Variants in CRIM1 observed in about 807,000 individuals in gnomAD.
CRIM1 encodes cysteine-rich motor neuron 1 protein.
A neutral mutation model predicts 116.4 loss-of-function variants in CRIM1; 32 were observed. That is an observed-to-expected ratio of 0.27 (90% CI 0.21 to 0.37). CRIM1 has a LOEUF of 0.37. Among genes scored for constraint, CRIM1 ranks in the 10% least tolerant of loss-of-function variants. The pLI, the probability that CRIM1 is intolerant of heterozygous loss-of-function variation, is 1.00. For missense variants in CRIM1, 1,331 were observed against 1,354.8 expected (o/e 0.98, Z 0.28); for synonymous variants, 590 against 509.2 (o/e 1.16, Z -2.13).
In CRIM1 at chr2:36,356,506, G is replaced by T. The variant is rs2148258880; in HGVS notation, c.214G>T (p.Glu72Ter). 1 of 1,612,924 alleles carries T rather than the reference G, an allele frequency of 6.2e-7. No individual in the cohort carries two copies. The highest frequency in any genetic ancestry group is 8.5e-7 in the Non-Finnish European group (1 of 1,179,866). Residue 72 changes from glutamate (E) to a stop codon, truncating the protein, a stop_gained, in exon 1 of 17, where the codon GAG becomes TAG. Transcript: ENST00000280527. LOFTEE classifies it high-confidence loss of function. This position sits in a 1 kb window ranked among gnomAD's most constrained non-coding sequence, Gnocchi z 4.3. ...CTACACGTGCGCCAGCCAGAGGAAC[G>T]AGAGCTGCGGCGGCACCTTCGGGAT... ...CCYTCASQRN[E>*]SCGGTFGIYG...
intron 2 of CRIM1, among the ~76,000 whole-genome samples, chr2:36,418,055 A>C (rs1325726149): frequency 2.6e-5 from 4 of 152,186 alleles, no homozygotes; most frequent in Non-Finnish European, 2.9e-5. Context: ...ATTGCACCTA[A>C]ATGAGCACTG....
intron 9 of CRIM1, among the ~76,000 whole-genome samples, chr2:36,511,777 C>T (rs1198963651): frequency 6.9e-6 from 1 of 145,744 alleles, no homozygotes; most frequent in Non-Finnish European, 1.5e-5. Flanking sequence ...ATGAAGGCAG[C>T]AGTTGGTGCC....
intron 2 of CRIM1, among the ~76,000 whole-genome samples, chr2:36,402,460 A>G (rs1444418510): frequency 6.6e-6 from 1 of 151,896 alleles, no homozygotes; most frequent in Non-Finnish European, 1.5e-5. Context: ...AGGGAGGGGT[A>G]AGGGCCAGAC....
intron 7 of CRIM1, among the ~76,000 whole-genome samples, chr2:36,483,201 C>T (rs1010311355): frequency 1.3e-5 from 2 of 151,874 alleles, no homozygotes; most frequent in African/African-American, 4.8e-5. Context: ...ATTTTCTGAC[C>T]CCTGTGAAGA....
chr2:36,426,613 A>G (rs1480913125), intron 2 of CRIM1, among the ~76,000 whole-genome samples: 1 of 152,178 alleles, frequency 6.6e-6, no homozygotes, highest in Non-Finnish European at 1.5e-5. Context: ...GCAGTAAGTC[A>G]GGGACAAAAG....
chr2:36,546,771 T>C (rs1216107444), intron 15 of CRIM1, among the ~76,000 whole-genome samples: 1 of 147,590 alleles, frequency 6.8e-6, no homozygotes, highest in Non-Finnish European at 1.5e-5. Context: ...TGATTTTTTT[T>C]TTTTTTTTTT....
intron 4 of CRIM1, among the ~76,000 whole-genome samples, chr2:36,463,229 A>G (rs1677719032): frequency 1.3e-5 from 2 of 152,150 alleles, no homozygotes; most frequent in Admixed American, 6.5e-5. Context: ...TTCTAGTTCC[A>G]TGGTTAACTA....
intron 2 of CRIM1, among the ~76,000 whole-genome samples, chr2:36,399,910 G>A (rs1462148155): frequency 1.3e-5 from 2 of 152,212 alleles, no homozygotes; most frequent in East Asian, 1.9e-4. Context: ...ATTAACTAGG[G>A]AAATGTAGTA....
intron 4 of CRIM1, among the ~76,000 whole-genome samples, chr2:36,453,821 T>G (rs1313418314): frequency 1.3e-5 from 2 of 152,154 alleles, no homozygotes; most frequent in African/African-American, 4.8e-5. Flanking sequence ...AACGGTCAGA[T>G]TTGACTTTTG....
rs1678426522 is a variant in CRIM1 at position 36,470,652 on chromosome 2, T to C, written c.991+5997T>C. On this transcript the variant is annotated intron_variant, in intron 5 of 16. Coordinates refer to ENST00000280527, the MANE Select transcript of CRIM1 (RefSeq NM_016441.3). ...GAGATTTCTTCCAAAATATTACTGC[T>C]CATTGACAATGCACCTGGTCTCCCA... 2.6e-5 allele frequency among the ~76,000 whole-genome samples: 4 copies of C among 152,330 alleles called. No homozygotes were observed. In the South Asian group the frequency reaches 8.3e-4, roughly 32 times the overall value.
intron 1 of CRIM1, among the ~76,000 whole-genome samples, chr2:36,378,136 C>T (rs997116776): frequency 5.3e-5 from 8 of 152,136 alleles, no homozygotes; most frequent in African/African-American, 1.9e-4. Flanking sequence ...GCTTTTAAGG[C>T]GATAGATGGG....
intron 4 of CRIM1, among the ~76,000 whole-genome samples, chr2:36,449,355 C>T (rs1044733243): frequency 6.6e-6 from 1 of 152,190 alleles, no homozygotes; most frequent in African/African-American, 2.4e-5. Flanking sequence ...GCCCTGGGCT[C>T]ACTCACCACC....
At chr2:36,537,113 T>TA (rs1321531883) in intron 13 of CRIM1, among the ~76,000 whole-genome samples, 1 of 152,190 alleles carries the variant, frequency 6.6e-6, no homozygotes, top group African/African-American at 2.4e-5. Context: ...ATCTAACAGG[T>TA]ACCATTCCCT....
intron 2 of CRIM1, among the ~76,000 whole-genome samples, chr2:36,439,380 T>G (rs1341908119): frequency 6.6e-6 from 1 of 152,210 alleles, no homozygotes; most frequent in Non-Finnish European, 1.5e-5. Flanking sequence ...AGTCCTATCT[T>G]TCTAAGAAGG....
At chr2:36,441,911 AT>A (rs918116083) in intron 3 of CRIM1, among the ~76,000 whole-genome samples, 7 of 152,188 alleles carry the variant, frequency 4.6e-5, no homozygotes, top group Non-Finnish European at 1.0e-4. Flanking sequence ...ACAGAAAGTT[AT>A]TTTTAGATGA....
At chr2:36,411,506 A>T (rs1182269809) in intron 2 of CRIM1, among the ~76,000 whole-genome samples, 1 of 152,174 alleles carries the variant, frequency 6.6e-6, no homozygotes, top group Non-Finnish European at 1.5e-5. Context: ...TATTTTTTGT[A>T]CTTTATGTGC....
At chr2:36,518,307 T>C (rs1161653841) in intron 12 of CRIM1, among the ~76,000 whole-genome samples, 1 of 152,262 alleles carries the variant, frequency 6.6e-6, no homozygotes, top group Non-Finnish European at 1.5e-5. Flanking sequence ...TGTTTTGTTG[T>C]TGTTGCTTCT....
chr2:36,357,466 C>T (rs939669973), intron 1 of CRIM1, among the ~76,000 whole-genome samples: 2 of 151,872 alleles, frequency 1.3e-5, no homozygotes, highest in South Asian at 2.1e-4. Context: ...TCGAGATTGA[C>T]GGTGGGAGAA....
intron 2 of CRIM1, among the ~76,000 whole-genome samples, chr2:36,431,970 G>A (rs1265976871): frequency 6.6e-6 from 1 of 152,218 alleles, no homozygotes; most frequent in Non-Finnish European, 1.5e-5. Flanking sequence ...TTTATTTGTT[G>A]TTCTAAAATG....
Sources: gnomAD v4.1 joint callset for allele counts (sites outside exome capture counted in the v4.1 genomes callset) on GRCh38, gnomAD v4.1.1 for gene constraint, Gnocchi (gnomAD v3.1) non-coding constraint, MANE v1.5 for transcripts, NCBI Gene and HGNC (gene_info 2026-07-23, HGNC 2026-07-21) for gene names.